SLC25A12: variants seen among roughly 807,000 people sequenced by gnomAD.
SLC25A12 encodes electrogenic aspartate/glutamate antiporter SLC25A12, mitochondrial.
Under a neutral mutation model 83.3 loss-of-function variants are expected in SLC25A12, and 32 were observed. The observed-to-expected ratio is 0.38, with a 90% CI of 0.29 to 0.52. SLC25A12 has a LOEUF of 0.52. Among genes scored for constraint, SLC25A12 ranks in the 20% least tolerant of loss-of-function variants. SLC25A12 has a pLI of 0.84. For missense variants in SLC25A12, 611 were observed against 835.6 expected (o/e 0.73, Z 3.31); for synonymous variants, 267 against 291.1 (o/e 0.92, Z 0.84).
intron 9 of SLC25A12, among the ~76,000 whole-genome samples, chr2:171,825,933 G>C (rs1408228750): frequency 6.6e-6 from 1 of 152,130 alleles, no homozygotes; most frequent in African/African-American, 2.4e-5. Flanking sequence ...TAATTTTATA[G>C]GACTCAGAAG....
chr2:171,834,922 T>C, intron 6 of SLC25A12, 57 bp from the exon 7 acceptor site: 3 of 1,560,228 alleles, frequency 1.9e-6, no homozygotes, highest in Non-Finnish European at 2.6e-6. Flanking sequence ...AACACGTTTA[T>C]GGACACTGTA....
chr2:171,808,111 AAAC>A (rs1286012697), intron 13 of SLC25A12, among the ~76,000 whole-genome samples: 4 of 152,272 alleles, frequency 2.6e-5, no homozygotes, highest in Admixed American at 2.0e-4. Context: ...AAAATGGACT[AAAC>A]AAGTCTGAAA....
intron 3 of SLC25A12, among the ~76,000 whole-genome samples, chr2:171,865,681 A>T (rs1685274557): frequency 6.6e-6 from 1 of 151,354 alleles, no homozygotes; most frequent in African/African-American, 2.4e-5. Flanking sequence ...TATATTATAT[A>T]CATATATATA....
At chr2:171,817,195 TG>T (rs947585602) in intron 9 of SLC25A12, among the ~76,000 whole-genome samples, 7 of 152,138 alleles carry the variant, frequency 4.6e-5, no homozygotes, top group Non-Finnish European at 8.8e-5. Context: ...AAACCACCTA[TG>T]GTAATTTGTA....
At chr2:171,824,358 GC>G (rs749795402) in intron 9 of SLC25A12, among the ~76,000 whole-genome samples, 1 of 152,190 alleles carries the variant, frequency 6.6e-6, no homozygotes, top group Non-Finnish European at 1.5e-5. Context: ...TTCAGATATG[GC>G]CTCTAGGAAA....
intron 9 of SLC25A12, among the ~76,000 whole-genome samples, chr2:171,826,460 T>TA (rs1684301771): frequency 6.6e-6 from 1 of 151,940 alleles, no homozygotes; most frequent in Non-Finnish European, 1.5e-5. Flanking sequence ...ATACAAAAAT[T>TA]AGCCAGTTGT....
chr2:171,838,124 A>G (rs1019067017), intron 5 of SLC25A12, among the ~76,000 whole-genome samples: 1 of 152,154 alleles, frequency 6.6e-6, no homozygotes, highest in African/African-American at 2.4e-5. Flanking sequence ...CCACCGTCAC[A>G]CTCTTTGCAA....
chr2:171,794,790 CATA>C (rs1470173703), intron 13 of SLC25A12, among the ~76,000 whole-genome samples: 1 of 152,078 alleles, frequency 6.6e-6, no homozygotes. Flanking sequence ...ATATAATATT[CATA>C]ATGATATTCA....
Position 171,893,084 on chromosome 2 carries a change from G to A in SLC25A12, c.66+121C>T, listed in dbSNP as rs545834359. 18 of 762,748 alleles carry A rather than the reference G, an allele frequency of 2.4e-5. 1 individual carries two copies. Among genetic ancestry groups the A allele is most frequent in the South Asian group, 8.2e-5 (5 of 61,094 alleles). The allele number at this position is 762,748 out of a possible 1,614,324, so 47.2% of individuals were successfully genotyped here. A position where few individuals can be genotyped will look rare whatever the true frequency, so the allele number is the denominator to read the frequency against. ...AAGAGAAGTATAAGCTATATTGTCC[G>A]GTCATGTTTGAAAGAATACATGAAA... On this transcript the variant is annotated intron_variant, in intron 2 of 17. Transcript: ENST00000422440.
chr2:171,868,695 A>T lies in SLC25A12; in HGVS notation c.195T>A (p.Asp65Glu). The T allele has an allele frequency of 6.2e-7, 1 of 1,613,994 alleles. No individual in the cohort carries two copies. Among genetic ancestry groups the T allele is most frequent in the Non-Finnish European group, 8.5e-7 (1 of 1,179,884 alleles). ...AAGATACTTACCCATCCTTGGTTTG[A>T]TCAGCTACTCCTGCCAAGAGCTGCA... ...KIVQLLAGVA[D>E]QTKDGLISYQ... Residue 65 changes from aspartate to glutamate, a missense_variant, in exon 3 of 18, where the codon GAT (aspartate) becomes GAA (glutamate). Around this residue, in one of 3 missense-constraint regions of SLC25A12, gnomAD observed 540 missense variants for 777.5 expected, o/e 0.69. Coordinates refer to ENST00000422440, the MANE Select transcript of SLC25A12 (RefSeq NM_003705.5).
intron 11 of SLC25A12, among the ~76,000 whole-genome samples, chr2:171,812,384 A>G (rs1185541679): frequency 3.3e-5 from 5 of 152,192 alleles, no homozygotes; most frequent in Non-Finnish European, 7.3e-5. Flanking sequence ...ATAGTTCAAC[A>G]GAGCTCAGAA....
chr2:171,805,770 T>G (rs2105853781), intron 13 of SLC25A12, among the ~76,000 whole-genome samples: 1 of 152,332 alleles, frequency 6.6e-6, no homozygotes, highest in Non-Finnish European at 1.5e-5. Context: ...GATGCTCATT[T>G]TATTATTCTG....
At chr2:171,827,477 G>A (rs534791161) in intron 8 of SLC25A12, among the ~76,000 whole-genome samples, 1 of 152,158 alleles carries the variant, frequency 6.6e-6, no homozygotes, top group African/African-American at 2.4e-5. Context: ...TGTAGGCTGA[G>A]CCTTCACTTC....
At chr2:171,887,931 A>C (rs1685855113) in intron 2 of SLC25A12, among the ~76,000 whole-genome samples, 1 of 152,192 alleles carries the variant, frequency 6.6e-6, no homozygotes, top group African/African-American at 2.4e-5. Context: ...AAACTTGAGA[A>C]GCAATGAACA....
intron 2 of SLC25A12, among the ~76,000 whole-genome samples, chr2:171,881,044 T>C (rs569961138): frequency 6.6e-6 from 1 of 152,256 alleles, no homozygotes; most frequent in East Asian, 1.9e-4. Context: ...TGATGATTTA[T>C]ATAAAATACT....
chr2:171,813,391 A>G lies in SLC25A12; in HGVS notation c.1119T>C (p.Phe373=). 1 of 1,614,130 alleles carries G rather than the reference A, an allele frequency of 6.2e-7. No individual in the cohort carries two copies. The highest frequency in any genetic ancestry group is 8.5e-7 in the Non-Finnish European group (1 of 1,179,978). ...AACGCAAGACTTTCTTAAAACAGTCAAAGCTGTTTTTGTACATTAGCTCCC... is the reference window on the plus strand; with the variant it reads ...AACGCAAGACTTTCTTAAAACAGTCGAAGCTGTTTTTGTACATTAGCTCCC... The part of the protein sequence containing the change: ...VVGELMYKNS[F]DCFKKVLRYE... Residue 373 remains phenylalanine (F), a synonymous_variant, in exon 11 of 18, where the codon TTT becomes TTC. Coordinates refer to ENST00000422440, the MANE Select transcript of SLC25A12 (RefSeq NM_003705.5).
intron 8 of SLC25A12, among the ~76,000 whole-genome samples, chr2:171,832,160 T>C (rs1684454500): frequency 6.6e-6 from 1 of 152,168 alleles, no homozygotes; most frequent in African/African-American, 2.4e-5. Flanking sequence ...ACTGCCAAGA[T>C]AGGCCCAGTA....
intron 13 of SLC25A12, among the ~76,000 whole-genome samples, chr2:171,800,867 C>T (rs1281469719): frequency 6.6e-6 from 1 of 152,166 alleles, no homozygotes; most frequent in African/African-American, 2.4e-5. Flanking sequence ...GAATGCATCT[C>T]GTGCACTCCA....
intron 8 of SLC25A12, among the ~76,000 whole-genome samples, chr2:171,829,739 A>G (rs1197994972): frequency 6.6e-6 from 1 of 152,192 alleles, no homozygotes; most frequent in Non-Finnish European, 1.5e-5. Context: ...TTCATCTCTC[A>G]TAGAGAGACG....
Sources: gnomAD v4.1 joint callset for allele counts (sites outside exome capture counted in the v4.1 genomes callset) on GRCh38, gnomAD v4.1.1 for gene constraint, gnomAD v4.1.1 regional missense constraint, MANE v1.5 for transcripts, NCBI Gene and HGNC (gene_info 2026-07-23, HGNC 2026-07-21) for gene names.